CLEC16A: variants seen among roughly 807,000 people sequenced by gnomAD.
The protein encoded by CLEC16A is C-type lectin domain containing 16A.
CLEC16A carries 51 observed loss-of-function variants against 109.5 expected under a neutral mutation model. The ratio of observed to expected loss-of-function variants is 0.47; its 90% CI spans 0.37 to 0.59. The LOEUF (loss-of-function observed/expected upper bound fraction) is 0.59. Among genes scored for constraint, CLEC16A ranks in the 20% least tolerant of loss-of-function variants. CLEC16A has a pLI of 0.00. For missense variants in CLEC16A, 1,339 were observed against 1,394.0 expected (o/e 0.96, Z 0.63); for synonymous variants, 673 against 564.2 (o/e 1.19, Z -2.73).
intron 22 of CLEC16A, among the ~76,000 whole-genome samples, chr16:11,143,720 A>C (rs2053939649): frequency 6.6e-6 from 1 of 152,202 alleles, no homozygotes. Context: ...CACCTTCTGC[A>C]CTTGAAGCTG....
chr16:11,045,687 G>A (rs2047600433), intron 16 of CLEC16A, among the ~76,000 whole-genome samples: 1 of 152,146 alleles, frequency 6.6e-6, no homozygotes, highest in African/African-American at 2.4e-5. Flanking sequence ...TCCGGATCAG[G>A]TCTCTGCAGA....
intron 22 of CLEC16A, chr16:11,157,084 A>T: frequency 7.7e-7 from 1 of 1,304,404 alleles, no homozygotes; most frequent in Non-Finnish European, 1.0e-6. Context: ...CAGGTTTTCA[A>T]GGATAGTGTT....
At chr16:11,069,647 G>A (rs1328154662) in intron 19 of CLEC16A, among the ~76,000 whole-genome samples, 2 of 151,648 alleles carry the variant, frequency 1.3e-5, no homozygotes, top group Admixed American at 6.6e-5. Flanking sequence ...TCACTATGTT[G>A]CCCAGGCTGG....
intron 11 of CLEC16A, among the ~76,000 whole-genome samples, chr16:11,011,920 T>C (rs2045443954): frequency 6.6e-6 from 1 of 152,136 alleles, no homozygotes; most frequent in Non-Finnish European, 1.5e-5. Flanking sequence ...TACTCACTGA[T>C]TTGCCCAATC....
At chr16:10,984,095 A>G (rs2043484076) in intron 10 of CLEC16A, among the ~76,000 whole-genome samples, 1 of 152,152 alleles carries the variant, frequency 6.6e-6, no homozygotes. Context: ...GGCAGTGGCC[A>G]GGCTGGTAAA....
At chr16:10,985,778 C>A (rs1008070790) in intron 10 of CLEC16A, among the ~76,000 whole-genome samples, 30 of 126,486 alleles carry the variant, frequency 2.4e-4, no homozygotes, top group African/African-American at 8.6e-4. Flanking sequence ...AGTGCAGTGG[C>A]GTGATCTCGG....
intron 19 of CLEC16A, among the ~76,000 whole-genome samples, chr16:11,118,969 G>A (rs562068859): frequency 3.9e-5 from 6 of 152,102 alleles, no homozygotes; most frequent in African/African-American, 9.6e-5. Context: ...TTATTTCTGG[G>A]CTCTCTATTC....
At chr16:11,093,085 C>G (rs1567307232) in intron 19 of CLEC16A, among the ~76,000 whole-genome samples, 1 of 152,208 alleles carries the variant, frequency 6.6e-6, no homozygotes, top group Non-Finnish European at 1.5e-5. Context: ...TACCCCCCAC[C>G]ACCTCCACTT....
At chr16:11,167,289 T>G (rs1389735228) in intron 23 of CLEC16A, among the ~76,000 whole-genome samples, 2 of 152,202 alleles carry the variant, frequency 1.3e-5, no homozygotes, top group Non-Finnish European at 2.9e-5. Flanking sequence ...CAGGATGTTC[T>G]GTGCCCCAGC....
Position 11,126,083 on chromosome 16 carries a change from C to T in CLEC16A, c.2578C>T (p.Arg860Cys), listed in dbSNP as rs199513229. 565 of 1,613,776 alleles carry T rather than the reference C, an allele frequency of 3.5e-4. No individual in the cohort carries two copies. Among genetic ancestry groups the T allele is most frequent in the Non-Finnish European group, 4.4e-4 (514 of 1,179,880 alleles). Residue 860 changes from arginine to cysteine, a missense_variant, in exon 22 of 24, where the codon CGC (arginine) becomes TGC (cysteine). Coordinates refer to ENST00000409790, the MANE Select transcript of CLEC16A (RefSeq NM_015226.3). ...HLPFRFYDQGRRGSSDPTVQR... is the reference protein window; with the variant it reads ...HLPFRFYDQGCRGSSDPTVQR... ...GCCTTTCCGCTTCTACGACCAGGGG[C>T]GCCGGGGCAGCAGCGACCCCACAGT... is the stretch of plus-strand genomic sequence containing the variant.
Position 11,174,233 on chromosome 16 carries a change from C to T in CLEC16A, c.2807-4102C>T, listed in dbSNP as rs1200372037. The T allele has an allele frequency of 8.5e-6, 4 of 468,068 alleles. No individual in the cohort carries two copies. Among genetic ancestry groups the T allele is most frequent in the South Asian group, 6.2e-5 (4 of 64,574 alleles). 29.0% of individuals were successfully genotyped at this position (468,068 alleles called of 1,614,324 possible). On this transcript the variant is annotated intron_variant, in intron 23 of 23. Coordinates refer to ENST00000409790, the MANE Select transcript of CLEC16A (RefSeq NM_015226.3). This position sits in a 1 kb window ranked among gnomAD's most constrained non-coding sequence, Gnocchi z 4.7. ...GTCATGGCGGCCACTGGGTTTAGTG[C>T]TCCGAACGGCAGCTGCCACGGCACC...
chr16:11,149,227 G>A (rs2054195622), intron 22 of CLEC16A, among the ~76,000 whole-genome samples: 1 of 152,136 alleles, frequency 6.6e-6, no homozygotes, highest in South Asian at 2.1e-4. Flanking sequence ...GGGTCACTGA[G>A]GCCCTGGGGA....
At chr16:10,948,699 C>G (rs1567486856) in intron 1 of CLEC16A, among the ~76,000 whole-genome samples, 2 of 152,162 alleles carry the variant, frequency 1.3e-5, no homozygotes, top group Admixed American at 6.5e-5. Flanking sequence ...CCTTAAGCCT[C>G]AAATGGATTG....
chr16:11,061,108 G>T, intron 19 of CLEC16A, 86 bp downstream of exon 19: 1 of 1,400,860 alleles, frequency 7.1e-7, no homozygotes, highest in Non-Finnish European at 9.5e-7. Context: ...GCCACTGGGA[G>T]GGTCAGTGTG....
chr16:10,977,795 G>A (rs946458942), intron 8 of CLEC16A, among the ~76,000 whole-genome samples: 1 of 152,170 alleles, frequency 6.6e-6, no homozygotes, highest in African/African-American at 2.4e-5. Context: ...TGGGATTATG[G>A]CCAGAACTGA....
intron 19 of CLEC16A, among the ~76,000 whole-genome samples, chr16:11,087,821 C>T (rs747100114): frequency 6.6e-6 from 1 of 152,228 alleles, no homozygotes; most frequent in East Asian, 1.9e-4. Flanking sequence ...TTGCCCAGGT[C>T]GCTGGCCAGG....
chr16:11,156,798 C>G, intron 22 of CLEC16A: 1 of 589,910 alleles, frequency 1.7e-6, no homozygotes, highest in South Asian at 1.7e-5. Flanking sequence ...TGCACCACTG[C>G]GAGAGATTCC....
intron 22 of CLEC16A, among the ~76,000 whole-genome samples, chr16:11,144,071 T>C (rs768737201): frequency 6.6e-6 from 1 of 152,202 alleles, no homozygotes; most frequent in Admixed American, 6.5e-5. Flanking sequence ...CCCAGAACCT[T>C]GCCTTGAGAG....
intron 19 of CLEC16A, among the ~76,000 whole-genome samples, chr16:11,118,350 C>G (rs775743185): frequency 8.2e-4 from 112 of 136,572 alleles, no homozygotes; most frequent in Non-Finnish European, 1.5e-3. Flanking sequence ...ATTTAACGCA[C>G]CAAACAATTC....
Sources: gnomAD v4.1 joint callset for allele counts (sites outside exome capture counted in the v4.1 genomes callset) on GRCh38, gnomAD v4.1.1 for gene constraint, Gnocchi (gnomAD v3.1) non-coding constraint, MANE v1.5 for transcripts, NCBI Gene and HGNC (gene_info 2026-07-23, HGNC 2026-07-21) for gene names.